Variants in JMJD1C observed in about 807,000 individuals in gnomAD.
The protein encoded by JMJD1C is jumonji domain containing 1C.
A neutral mutation model predicts 245.3 loss-of-function variants in JMJD1C; 31 were observed. The observed-to-expected ratio is 0.13, with a 90% CI of 0.09 to 0.17. The LOEUF (loss-of-function observed/expected upper bound fraction) is 0.17, where lower values mean the gene tolerates loss of function less well. Ranked by LOEUF, JMJD1C falls within the 10% of genes least tolerant of loss-of-function variation. The pLI is 1.00. For missense variants in JMJD1C, 2,691 were observed against 3,000.2 expected (o/e 0.90, Z 2.41); for synonymous variants, 1,057 against 1,017.4 (o/e 1.04, Z -0.74).
chr10:63,214,503 T>A lies in JMJD1C; in HGVS notation c.1664A>T (p.Glu555Val), dbSNP rs1847739920. 1 of 1,613,918 alleles carries A rather than the reference T, an allele frequency of 6.2e-7. No homozygotes were observed. Among genetic ancestry groups the A allele is most frequent in the African/African-American group, 1.3e-5 (1 of 74,926 alleles). ...CTGGTCAGAATCTTTTTTTGCTGTT[T>A]CCAAGAATTTTGCATTTGCAATAGA... The part of the protein sequence containing the change: ...KHSIANAKFL[E>V]TAKKDSDQSW... Residue 555 changes from glutamate to valine, a missense_variant, in exon 8 of 26, where the codon GAA (glutamate) becomes GTA (valine). Physicochemically the swap from Glu to Val is moderately radical, Grantham distance 121. Around this residue, in one of 9 missense-constraint regions of JMJD1C, gnomAD observed 1,562 missense variants for 1,490.7 expected, o/e 1.05. Coordinates refer to ENST00000399262, the MANE Select transcript of JMJD1C (RefSeq NM_032776.3).
intron 1 of JMJD1C, among the ~76,000 whole-genome samples, chr10:63,435,029 C>T (rs566389420): frequency 9.9e-5 from 15 of 152,274 alleles, no homozygotes; most frequent in African/African-American, 4.8e-5. Flanking sequence ...ACATTGTCTG[C>T]GAAATAGCCT....
chr10:63,521,578 G>A, intron 1 of JMJD1C: 1 of 1,423,680 alleles, frequency 7.0e-7, no homozygotes, highest in Non-Finnish European at 9.3e-7. Context: ...GAGCCGTGGT[G>A]TAAGTGCCTC....
At chr10:63,276,867 G>A (rs773231188) in intron 2 of JMJD1C, among the ~76,000 whole-genome samples, 304 of 145,404 alleles carry the variant, frequency 2.1e-3, no homozygotes, top group Non-Finnish European at 3.5e-3. Context: ...AGCTATGGAA[G>A]GAATAGAAGC....
At chr10:63,427,366 C>A in intron 1 of JMJD1C, 1 of 1,024,612 alleles carries the variant, frequency 9.8e-7, no homozygotes, top group Non-Finnish European at 1.5e-6. Flanking sequence ...CGCCTTCTGG[C>A]ATCAGTACCC....
chr10:63,248,529 G>GATAGATAGATAAATAAATAA (rs566828473), intron 3 of JMJD1C, among the ~76,000 whole-genome samples: 4,054 of 136,924 alleles, frequency 0.03, 75 homozygotes, highest in East Asian at 0.061. Context: ...TCAATAGATA[G>GATAGATAGATAAATAAATAA]ATAAATAAAT....
chr10:63,481,828 T>C (rs1177326816), intron 1 of JMJD1C, among the ~76,000 whole-genome samples: 4 of 151,998 alleles, frequency 2.6e-5, no homozygotes, highest in Non-Finnish European at 4.4e-5. Flanking sequence ...CTGGAGGAAG[T>C]GGAAGAGAGG....
At chr10:63,479,787 T>C (rs10995543) in intron 1 of JMJD1C, among the ~76,000 whole-genome samples, 21,372 of 152,172 alleles carry the variant, frequency 0.14, 2,102 homozygotes, top group Admixed American at 0.29. Context: ...ATCCATTACA[T>C]TAGGACACAC....
chr10:63,465,574 C>T lies in JMJD1C; in HGVS notation c.89G>A (p.Ser30Asn), dbSNP rs539218466. ...TCGCCAGCTTCGCCAGCCGCGTCCGCTCTCCCAGCGCTCCGAACGTGCCTC... is the reference window on the plus strand; with the variant it reads ...TCGCCAGCTTCGCCAGCCGCGTCCGTTCTCCCAGCGCTCCGAACGTGCCTC... Reference protein sequence around the residue: ...GDEARSERWESGRGWRSWRAG... With the variant: ...GDEARSERWENGRGWRSWRAG... Residue 30 changes from serine (S) to asparagine (N), a missense_variant, in exon 1 of 26, where the codon AGC becomes AAC. This residue lies in a region of JMJD1C where 135 missense variants were observed against 115.5 expected (regional missense o/e 1.17). Transcript: ENST00000399262. The T allele has an allele frequency of 9.3e-6, 15 of 1,608,824 alleles. No individual in the cohort carries two copies. The South Asian group carries it at 1.5e-4, about 16-fold the overall frequency.
chr10:63,228,823 T>C (rs982338399), intron 3 of JMJD1C, among the ~76,000 whole-genome samples: 2 of 152,184 alleles, frequency 1.3e-5, no homozygotes, highest in African/African-American at 4.8e-5. Flanking sequence ...AAATACATTA[T>C]TTAAACTTTC....
intron 2 of JMJD1C, among the ~76,000 whole-genome samples, chr10:63,294,748 TC>T (rs1283931061): frequency 6.6e-6 from 1 of 152,252 alleles, no homozygotes. Flanking sequence ...TATGCATGTA[TC>T]TGTCTCCACA....
intron 3 of JMJD1C, among the ~76,000 whole-genome samples, chr10:63,231,445 G>T (rs190398459): frequency 6.6e-6 from 1 of 152,282 alleles, no homozygotes; most frequent in East Asian, 1.9e-4. Context: ...GCAAGCCCGA[G>T]ATCTGTATGG....
At chr10:63,235,202 T>C (rs1226029018) in intron 3 of JMJD1C, among the ~76,000 whole-genome samples, 1 of 152,076 alleles carries the variant, frequency 6.6e-6, no homozygotes, top group African/African-American at 2.4e-5. Context: ...TAAATAGCAA[T>C]TTAAGAAAAT....
intron 1 of JMJD1C, among the ~76,000 whole-genome samples, chr10:63,490,317 T>C (rs911205202): frequency 1.3e-5 from 2 of 152,196 alleles, no homozygotes; most frequent in Non-Finnish European, 2.9e-5. Context: ...AAGCCCTTCA[T>C]GGACACCCTC....
chr10:63,183,434 C>T lies in JMJD1C; in HGVS notation c.7084+13G>A, dbSNP rs1843728364. 6.2e-7 allele frequency: 1 copy of T among 1,602,408 alleles called. No homozygotes were observed. The highest frequency in any genetic ancestry group is 1.7e-5 in the Admixed American group (1 of 57,862). Reference sequence around the variant, plus strand: ...ACTCTTATTTCAAAGACTACTTATTCTTTTAAGTTTACCTGCTTTTGAGAG... The same window carrying T: ...ACTCTTATTTCAAAGACTACTTATTTTTTTAAGTTTACCTGCTTTTGAGAG... On this transcript the variant is annotated intron_variant, in intron 22 of 25. Transcript: ENST00000399262.
intron 2 of JMJD1C, among the ~76,000 whole-genome samples, chr10:63,360,473 T>A (rs1477058254): frequency 6.6e-6 from 1 of 152,238 alleles, no homozygotes; most frequent in Non-Finnish European, 1.5e-5. Context: ...AAGTCTTATT[T>A]CCAGCACCTT....
intron 3 of JMJD1C, among the ~76,000 whole-genome samples, chr10:63,249,214 G>A (rs1212571268): frequency 6.6e-6 from 1 of 152,192 alleles, no homozygotes; most frequent in African/African-American, 2.4e-5. Context: ...TACTCAGAAG[G>A]CTGAGGCAGG....
chr10:63,495,695 T>C (rs1240667441), intron 1 of JMJD1C, among the ~76,000 whole-genome samples: 1 of 149,680 alleles, frequency 6.7e-6, no homozygotes, highest in Non-Finnish European at 1.5e-5. Flanking sequence ...GAGGCGGAGG[T>C]TGCAGTGAGC....
intron 1 of JMJD1C, among the ~76,000 whole-genome samples, chr10:63,414,225 A>T (rs1949671740): frequency 6.6e-6 from 1 of 152,094 alleles, no homozygotes; most frequent in African/African-American, 2.4e-5. Flanking sequence ...TGACCTCGTG[A>T]TCTGCCTGCC....
chr10:63,510,085 C>T (rs1223317712), intron 1 of JMJD1C, among the ~76,000 whole-genome samples: 2 of 151,662 alleles, frequency 1.3e-5, no homozygotes, highest in African/African-American at 4.8e-5. Context: ...TCACTGCAAG[C>T]TCCGCCTCCT....
Sources: gnomAD v4.1 joint callset for allele counts (sites outside exome capture counted in the v4.1 genomes callset) on GRCh38, gnomAD v4.1.1 for gene constraint, gnomAD v4.1.1 regional missense constraint, MANE v1.5 for transcripts, NCBI Gene and HGNC (gene_info 2026-07-23, HGNC 2026-07-21) for gene names.